Variants in CLASP2 observed in about 807,000 individuals in gnomAD.
CLASP2 encodes cytoplasmic linker associated protein 2.
Under a neutral mutation model 194.4 loss-of-function variants are expected in CLASP2, and 47 were observed. The ratio of observed to expected loss-of-function variants is 0.24; its 90% CI spans 0.19 to 0.31. The LOEUF (loss-of-function observed/expected upper bound fraction) is 0.31. CLASP2 is among the 10% of genes least tolerant of loss of function. CLASP2 has a pLI of 1.00. For synonymous variants in CLASP2, 619 were observed against 633.5 expected, an observed-to-expected ratio of 0.98 and a Z score of 0.34; for missense variants, 1,445 against 1,823.6, an observed-to-expected ratio of 0.79 and a Z score of 3.78.
chr3:33,503,484 A>C (rs936807790), intron 37 of CLASP2: 2 of 150,276 alleles, frequency 1.3e-5, no homozygotes, highest in Non-Finnish European at 3.0e-5. Flanking sequence ...GCTGGACTGC[A>C]GTATGTGATC....
At chr3:33,501,114 T>G (rs2046751222) in intron 38 of CLASP2, among the ~76,000 whole-genome samples, 1 of 152,204 alleles carries the variant, frequency 6.6e-6, no homozygotes, top group African/African-American at 2.4e-5. Context: ...CTTACTTATT[T>G]TTTTAAGTCT....
chr3:33,613,071 T>C (rs563773789), intron 12 of CLASP2, among the ~76,000 whole-genome samples: 2 of 152,322 alleles, frequency 1.3e-5, no homozygotes, highest in African/African-American at 4.8e-5. Context: ...TTTAAGGTGA[T>C]TAATTCCCTA....
At chr3:33,650,162 T>C (rs2082944632) in intron 7 of CLASP2, among the ~76,000 whole-genome samples, 1 of 152,184 alleles carries the variant, frequency 6.6e-6, no homozygotes, top group African/African-American at 2.4e-5. Flanking sequence ...TGACATAGAT[T>C]TTTAAAATAA....
At chr3:33,524,117 G>A (rs748172744) in intron 34 of CLASP2, among the ~76,000 whole-genome samples, 5 of 151,890 alleles carry the variant, frequency 3.3e-5, no homozygotes, top group African/African-American at 4.8e-5. Context: ...AAATGTAAAC[G>A]AATTAAATCA....
At chr3:33,634,238 G>A (rs533859883) in intron 8 of CLASP2, among the ~76,000 whole-genome samples, 8 of 152,252 alleles carry the variant, frequency 5.3e-5, no homozygotes, top group African/African-American at 1.9e-4. Flanking sequence ...TCTAAACTGT[G>A]TACCTAGCAA....
At chr3:33,633,251 C>T (rs1204398784) in intron 8 of CLASP2, among the ~76,000 whole-genome samples, 3 of 152,098 alleles carry the variant, frequency 2.0e-5, no homozygotes, top group Admixed American at 6.5e-5. Context: ...TCTGTGGAGC[C>T]CCTGAGTTCT....
In CLASP2 at chr3:33,718,004, G is replaced by A; in HGVS notation, c.-2C>T. 2.7e-6 allele frequency: 4 copies of A among 1,469,402 alleles called. No individual in the cohort carries two copies. Among genetic ancestry groups the A allele is most frequent in the Middle Eastern group, 2.4e-4 (1 of 4,198 alleles). 91.0% of individuals were successfully genotyped at this position (1,469,402 alleles called of 1,614,324 possible). On this transcript the variant is annotated 5_prime_UTR_variant, in exon 1 of 39. Coordinates refer to ENST00000682230, the MANE Select transcript of CLASP2 (RefSeq NM_001365631.1). ...GTACTCCATGCTGCGGGGCTCCATG[G>A]CTGCGGCCGCCCGCCCGCCTGCCAG...
intron 10 of CLASP2, among the ~76,000 whole-genome samples, chr3:33,625,635 T>C (rs1472376641): frequency 6.6e-6 from 1 of 151,536 alleles, no homozygotes; most frequent in African/African-American, 2.4e-5. Flanking sequence ...TTTAAATACA[T>C]ATAACACAGA....
At chr3:33,621,207 C>A (rs1013879649) in intron 11 of CLASP2, among the ~76,000 whole-genome samples, 11 of 152,160 alleles carry the variant, frequency 7.2e-5, no homozygotes, top group Admixed American at 2.0e-4. Flanking sequence ...TGTTCAACAT[C>A]ACTTGCATCT....
At chr3:33,542,059 T>C (rs2058451902) in intron 32 of CLASP2, among the ~76,000 whole-genome samples, 1 of 152,200 alleles carries the variant, frequency 6.6e-6, no homozygotes, top group Admixed American at 6.5e-5. Context: ...TATCTCACTG[T>C]GGGCTTGATT....
chr3:33,577,219 T>C, intron 23 of CLASP2: 1 of 1,597,778 alleles, frequency 6.3e-7, no homozygotes, highest in South Asian at 1.1e-5. Flanking sequence ...CCCATACACT[T>C]CGGGGGCGTA....
chr3:33,564,740 A>G (rs931280668), intron 27 of CLASP2, among the ~76,000 whole-genome samples: 1 of 151,938 alleles, frequency 6.6e-6, no homozygotes, highest in African/African-American at 2.4e-5. Flanking sequence ...ACAGGCATGC[A>G]CCATCATGTC....
At chr3:33,592,655 ATT>A in intron 20 of CLASP2, 159 bp from the exon 21 acceptor site, 3 of 639,540 alleles carry the variant, frequency 4.7e-6, no homozygotes, top group East Asian at 3.0e-5. Flanking sequence ...ATAAACAGTA[ATT>A]TTTTTTTTAC....
intron 22 of CLASP2, among the ~76,000 whole-genome samples, chr3:33,584,034 C>A (rs1454456853): frequency 2.6e-5 from 4 of 152,110 alleles, no homozygotes; most frequent in African/African-American, 9.7e-5. Context: ...TTTAAGCTGG[C>A]TTCATCTATC....
At chr3:33,568,920 C>T (rs557279735) in intron 26 of CLASP2, among the ~76,000 whole-genome samples, 1 of 152,248 alleles carries the variant, frequency 6.6e-6, no homozygotes, top group Non-Finnish European at 1.5e-5. Context: ...ACATTTTTAA[C>T]TCGGCACAGG....
In CLASP2 at chr3:33,606,644, T is replaced by C. The variant is rs1317649207; in HGVS notation, c.1641A>G (p.Val547=). ...ACCTGTCTGATTGTGGAAGAGATGC[T>C]ACACTGCCAGAACTCTTTAAGTAAG... ...LQTYLKSSGS[V]ASLPQSDRSS... The change falls in exon 16 of 39, where the codon GTA becomes GTG. Residue 547 remains valine, a synonymous_variant. Transcript: ENST00000682230. The C allele has an allele frequency of 1.2e-6, 2 of 1,613,758 alleles. No individual in the cohort carries two copies. Among genetic ancestry groups the C allele is most frequent in the African/African-American group, 2.7e-5 (2 of 75,044 alleles).
chr3:33,607,036 G>A (rs1238987486), intron 15 of CLASP2, among the ~76,000 whole-genome samples: 1 of 152,210 alleles, frequency 6.6e-6, no homozygotes, highest in Non-Finnish European at 1.5e-5. Context: ...CATCTATGGA[G>A]ATAACACTAT....
At chr3:33,584,509 AC>A (rs946859354) in intron 22 of CLASP2, among the ~76,000 whole-genome samples, 16 of 148,474 alleles carry the variant, frequency 1.1e-4, no homozygotes, top group African/African-American at 3.7e-4. Context: ...CAAGTGATCC[AC>A]CCCCCTCAGC....
Position 33,701,900 on chromosome 3 carries a change from G to A in CLASP2, c.196-4967C>T, listed in dbSNP as rs558233940. On this transcript the variant is annotated intron_variant, in intron 1 of 38. Transcript: ENST00000682230. ...ACAGGAGAAAATCTTTACACCTGGA[G>A]TACACAAATAATTCTTAGAGACAAC... Among the ~76,000 whole-genome samples the A allele has an allele frequency of 3.9e-5, 6 of 151,940 alleles. No homozygotes were observed. In the South Asian group the frequency reaches 6.2e-4, roughly 16 times the overall value.
Sources: gnomAD v4.1 joint callset for allele counts (sites outside exome capture counted in the v4.1 genomes callset) on GRCh38, gnomAD v4.1.1 for gene constraint, MANE v1.5 for transcripts, NCBI Gene and HGNC (gene_info 2026-07-23, HGNC 2026-07-21) for gene names.